ADARB2: variants seen among roughly 807,000 people sequenced by gnomAD.
ADARB2 encodes adenosine deaminase RNA specific B2 (inactive).
Under a neutral mutation model 62.2 loss-of-function variants are expected in ADARB2, and 25 were observed. That is an observed-to-expected ratio of 0.40 (90% CI 0.29 to 0.56). The LOEUF (loss-of-function observed/expected upper bound fraction) is 0.56. ADARB2 is among the 20% of genes least tolerant of loss of function. The probability of loss-of-function intolerance (pLI) is 0.43; values close to 1 mark genes in which losing one functional copy is unlikely to be tolerated. For missense variants in ADARB2, 1,071 were observed against 1,077.4 expected (o/e 0.99, Z 0.08); for synonymous variants, 572 against 500.8 (o/e 1.14, Z -1.90).
At chr10:1,716,427 A>G (rs7476614) in intron 1 of ADARB2, among the ~76,000 whole-genome samples, 17,051 of 152,286 alleles carry the variant, frequency 0.11, 1,747 homozygotes, top group African/African-American at 0.26. Context: ...CAGCTCCATT[A>G]TGAAGCAGCC....
At chr10:1,434,887 C>T (rs1174632456) in intron 1 of ADARB2, among the ~76,000 whole-genome samples, 1 of 152,224 alleles carries the variant, frequency 6.6e-6, no homozygotes, top group Non-Finnish European at 1.5e-5. Context: ...ATAGTTTCTG[C>T]TCCTTCTCCC....
chr10:1,185,212 G>T (rs1464024136), intron 8 of ADARB2, among the ~76,000 whole-genome samples, 173 bp from the exon 9 acceptor site: 1 of 152,248 alleles, frequency 6.6e-6, no homozygotes, highest in Non-Finnish European at 1.5e-5. Context: ...TGCAAATTGG[G>T]CAGGATCGTG....
chr10:1,621,555 G>T (rs1339116584), intron 1 of ADARB2, among the ~76,000 whole-genome samples: 2 of 152,146 alleles, frequency 1.3e-5, no homozygotes, highest in African/African-American at 2.4e-5. Context: ...TGCTGGGACA[G>T]CAGGCACATG....
Position 1,360,831 on chromosome 10 carries a change from G to T in ADARB2, c.1077+2197C>A, listed in dbSNP as rs937935280. On this transcript the variant is annotated intron_variant, in intron 3 of 9. Coordinates refer to ENST00000381312, the MANE Select transcript of ADARB2 (RefSeq NM_018702.4). ...GCTCTAACTGATGTGCTGCATTCTG[G>T]GGTCAAATGACTTTTACAAAGTAGT... is the stretch of plus-strand genomic sequence containing the variant. Among the ~76,000 whole-genome samples the T allele has an allele frequency of 5.3e-5, 8 of 152,344 alleles. No individual in the cohort carries two copies. In the East Asian group the frequency reaches 1.5e-3, roughly 29 times the overall value.
chr10:1,320,257 T>A (rs1306117425), intron 3 of ADARB2, among the ~76,000 whole-genome samples: 1 of 152,156 alleles, frequency 6.6e-6, no homozygotes, highest in Non-Finnish European at 1.5e-5. Context: ...ATGGAGTGAG[T>A]CTCAATAAAC....
chr10:1,622,212 T>C (rs1288018386), intron 1 of ADARB2, among the ~76,000 whole-genome samples: 2 of 152,174 alleles, frequency 1.3e-5, no homozygotes, highest in Non-Finnish European at 2.9e-5. Context: ...ACCACAGACC[T>C]AAAGACCCTA....
intron 1 of ADARB2, among the ~76,000 whole-genome samples, chr10:1,576,277 G>A (rs1833020138): frequency 6.6e-6 from 1 of 151,152 alleles, no homozygotes; most frequent in Non-Finnish European, 1.5e-5. Flanking sequence ...CAGGGTCAAA[G>A]GAGGGGGCTC....
chr10:1,433,176 C>T (rs113395259), intron 1 of ADARB2, among the ~76,000 whole-genome samples: 3,711 of 152,166 alleles, frequency 0.024, 113 homozygotes, highest in African/African-American at 0.075. Flanking sequence ...CAAGGAAAGG[C>T]GAAGCTTGAG....
intron 1 of ADARB2, among the ~76,000 whole-genome samples, chr10:1,479,931 G>A (rs1347314690): frequency 6.6e-6 from 1 of 152,066 alleles, no homozygotes; most frequent in African/African-American, 2.4e-5. Flanking sequence ...CCATAGACGT[G>A]CTTTACTCCA....
intron 1 of ADARB2, among the ~76,000 whole-genome samples, chr10:1,583,042 T>G (rs1479495154): frequency 6.6e-6 from 1 of 152,212 alleles, no homozygotes; most frequent in Non-Finnish European, 1.5e-5. Context: ...AATATTGCTC[T>G]TTCTCCTGGT....
chr10:1,546,055 C>A (rs1832514428), intron 1 of ADARB2, among the ~76,000 whole-genome samples: 1 of 152,146 alleles, frequency 6.6e-6, no homozygotes, highest in Non-Finnish European at 1.5e-5. Context: ...CACCAGATCA[C>A]TGCATCGGAA....
intron 1 of ADARB2, among the ~76,000 whole-genome samples, chr10:1,604,238 TTATAAAG>T (rs148390616): frequency 0.034 from 5,217 of 152,326 alleles, 112 homozygotes; most frequent in Non-Finnish European, 0.049. Context: ...AGGAATGGCC[TTATAAAG>T]TATAAACAAT....
chr10:1,371,171 C>G (rs1393576944), intron 2 of ADARB2, among the ~76,000 whole-genome samples: 1 of 152,158 alleles, frequency 6.6e-6, no homozygotes, highest in Non-Finnish European at 1.5e-5. Context: ...CTCAACAAAG[C>G]TGACAAAAAT....
chr10:1,737,239 G>A lies in ADARB2; in HGVS notation c.-89C>T, dbSNP rs1349484477. 6 of 1,405,092 alleles carry A rather than the reference G, an allele frequency of 4.3e-6. No individual in the cohort carries two copies. Among genetic ancestry groups the A allele is most frequent in the Admixed American group, 1.7e-5 (1 of 57,926 alleles). 87.0% of individuals were successfully genotyped at this position (1,405,092 alleles called of 1,614,324 possible). A position where few individuals can be genotyped will look rare whatever the true frequency, so the allele number is the denominator to read the frequency against. ...CGGCAGCCGCCGCCGCCGCTGCTGC[G>A]AAGCTTGAGGTTGCAAACCCGGGAG... On this transcript the variant is annotated 5_prime_UTR_variant, in exon 1 of 10. Transcript: ENST00000381312.
intron 1 of ADARB2, among the ~76,000 whole-genome samples, chr10:1,696,451 T>G (rs938999047): frequency 6.6e-6 from 1 of 152,232 alleles, no homozygotes; most frequent in African/African-American, 2.4e-5. Context: ...TTTCTCCTGT[T>G]TTTTTACTTT....
At chr10:1,488,550 G>T (rs1831574214) in intron 1 of ADARB2, among the ~76,000 whole-genome samples, 1 of 152,166 alleles carries the variant, frequency 6.6e-6, no homozygotes, top group South Asian at 2.1e-4. Context: ...CCAAAGAATG[G>T]GCTGTGCTGG....
At chr10:1,471,170 C>G (rs12774561) in intron 1 of ADARB2, among the ~76,000 whole-genome samples, 1 of 152,134 alleles carries the variant, frequency 6.6e-6, no homozygotes, top group Non-Finnish European at 1.5e-5. Flanking sequence ...TGGAAACTCA[C>G]GATTCCACAA....
Position 1,383,870 on chromosome 10 carries a change from C to T in ADARB2, c.101-4710G>A, listed in dbSNP as rs557276712. ...CCTCATTTTCCTATCTTTTTCTGCC[C>T]GAGTAAAGTTTATCCTTGTAGTGGC... On this transcript the variant is annotated intron_variant, in intron 1 of 9. Transcript: ENST00000381312. Among the ~76,000 whole-genome samples, 62 of 152,266 alleles carry T rather than the reference C, an allele frequency of 4.1e-4. 1 individual carries two copies. In the South Asian group the frequency reaches 0.012, roughly 29 times the overall value.
At chr10:1,632,287 A>T (rs921883412) in intron 1 of ADARB2, among the ~76,000 whole-genome samples, 1 of 152,208 alleles carries the variant, frequency 6.6e-6, no homozygotes, top group Non-Finnish European at 1.5e-5. Flanking sequence ...ACATATGCAC[A>T]CACTACACAC....
Sources: gnomAD v4.1 joint callset for allele counts (sites outside exome capture counted in the v4.1 genomes callset) on GRCh38, gnomAD v4.1.1 for gene constraint, MANE v1.5 for transcripts, NCBI Gene and HGNC (gene_info 2026-07-23, HGNC 2026-07-21) for gene names.